Variants in EPS15L1 observed in about 807,000 individuals in gnomAD.
The protein encoded by EPS15L1 is epidermal growth factor receptor substrate 15-like 1.
In EPS15L1, 43 loss-of-function variants were observed where a neutral mutation model predicts 117.1. The observed-to-expected ratio is 0.37, with a 90% CI of 0.29 to 0.47. EPS15L1 has a LOEUF of 0.47. Ranked by LOEUF, EPS15L1 falls within the 20% of genes least tolerant of loss-of-function variation. The pLI, the probability that EPS15L1 is intolerant of heterozygous loss-of-function variation, is 0.99. For synonymous variants in EPS15L1, 459 were observed against 470.5 expected, an observed-to-expected ratio of 0.98 and a Z score of 0.32; for missense variants, 981 against 1,164.0, an observed-to-expected ratio of 0.84 and a Z score of 2.29.
At chr19:16,401,837 C>A in intron 16 of EPS15L1, 1 of 986,896 alleles carries the variant, frequency 1.0e-6, no homozygotes, top group Non-Finnish European at 1.2e-6. Flanking sequence ...CACCCTGGGG[C>A]GCTGCTTGCC....
rs2092640594 is a variant in EPS15L1, at chr19:16,404,865, A to G, written c.1267-116T>C. On this transcript the variant is annotated intron_variant, in intron 13 of 23. Transcript: ENST00000455140. This position sits in a 1 kb window ranked among gnomAD's most constrained non-coding sequence, Gnocchi z 4.2. ...GAAGCCTCCGAAACCACCCACTGTG[A>G]CCGTGCTCAGGGCCAGCATTCCGTG... The G allele has an allele frequency of 2.6e-6, 3 of 1,164,242 alleles. No homozygotes were observed. Among genetic ancestry groups the G allele is most frequent in the Non-Finnish European group, 3.7e-6 (3 of 811,382 alleles). The allele number at this position is 1,164,242 out of a possible 1,614,324, so 72.1% of individuals were successfully genotyped here.
intron 12 of EPS15L1, among the ~76,000 whole-genome samples, chr19:16,414,685 C>T (rs1335228145): frequency 6.6e-6 from 1 of 150,438 alleles, no homozygotes. Flanking sequence ...AGGCGTGAGC[C>T]AACACGCCTG....
intron 6 of EPS15L1, chr19:16,434,774 G>T: frequency 3.3e-6 from 1 of 304,890 alleles, no homozygotes; most frequent in Non-Finnish European, 6.2e-6. Context: ...GCCTGAGTGT[G>T]GCAGGAGTCT....
intron 1 of EPS15L1, among the ~76,000 whole-genome samples, chr19:16,461,319 AAAAG>A (rs887912045): frequency 0.022 from 3,117 of 143,136 alleles, 49 homozygotes; most frequent in Middle Eastern, 0.073. Context: ...AAAAAAAAAA[AAAAG>A]AAAGAAAGAA....
chr19:16,449,760 T>C (rs1001102105), intron 1 of EPS15L1, among the ~76,000 whole-genome samples: 1 of 152,058 alleles, frequency 6.6e-6, no homozygotes, highest in African/African-American at 2.4e-5. Context: ...TGTCCTCCAA[T>C]AAGTGAGTGG....
At chr19:16,440,654 A>C (rs1257124920) in intron 4 of EPS15L1, 1 of 393,462 alleles carries the variant, frequency 2.5e-6, no homozygotes, top group Non-Finnish European at 4.6e-6. Flanking sequence ...ATAAATAAAT[A>C]AATAAAAGAT....
At chr19:16,395,175 A>G (rs1375612173) in intron 17 of EPS15L1, among the ~76,000 whole-genome samples, 169 bp downstream of exon 17, 3 of 150,220 alleles carry the variant, frequency 2.0e-5, no homozygotes, top group East Asian at 3.9e-4. Context: ...AGCCTGGCTG[A>G]CAGCAAGAGA....
At chr19:16,440,619 T>C (rs1373019621) in intron 4 of EPS15L1, 1 of 277,598 alleles carries the variant, frequency 3.6e-6, no homozygotes, top group East Asian at 6.2e-5. Context: ...ACATGTAAGG[T>C]TACAAAACAT....
At chr19:16,444,267 A>C (rs1237540602) in intron 1 of EPS15L1, among the ~76,000 whole-genome samples, 2 of 151,956 alleles carry the variant, frequency 1.3e-5, no homozygotes, top group East Asian at 3.9e-4. Flanking sequence ...GAGATTTAGG[A>C]GCCATCATTT....
chr19:16,466,730 C>T (rs1291068514), intron 1 of EPS15L1, among the ~76,000 whole-genome samples: 2 of 151,974 alleles, frequency 1.3e-5, no homozygotes, highest in Non-Finnish European at 2.9e-5. Flanking sequence ...TAGTGAAACT[C>T]CATCTCTACT....
chr19:16,406,370 A>G (rs1468945175), intron 13 of EPS15L1, among the ~76,000 whole-genome samples: 1 of 152,204 alleles, frequency 6.6e-6, no homozygotes, highest in Non-Finnish European at 1.5e-5. Flanking sequence ...TGTGCCAGGA[A>G]GGGAAGATGC....
chr19:16,428,942 A>T (rs2092904148), intron 7 of EPS15L1, among the ~76,000 whole-genome samples, 181 bp from the exon 8 acceptor site: 1 of 152,172 alleles, frequency 6.6e-6, no homozygotes, highest in Non-Finnish European at 1.5e-5. Flanking sequence ...AAGTACTGTC[A>T]ACTACCAGAT....
chr19:16,410,204 C>T (rs989860410), intron 13 of EPS15L1, among the ~76,000 whole-genome samples: 7 of 151,576 alleles, frequency 4.6e-5, no homozygotes, highest in African/African-American at 1.5e-4. Flanking sequence ...GGCAAGGAAT[C>T]GGAATGATTT....
At chr19:16,444,815 C>T (rs1355966321) in intron 1 of EPS15L1, among the ~76,000 whole-genome samples, 1 of 151,450 alleles carries the variant, frequency 6.6e-6, no homozygotes, top group African/African-American at 2.4e-5. Flanking sequence ...CAATCTCTGA[C>T]TCCTGGATTC....
intron 1 of EPS15L1, among the ~76,000 whole-genome samples, chr19:16,448,131 T>C (rs972841486): frequency 6.6e-6 from 1 of 152,172 alleles, no homozygotes; most frequent in Non-Finnish European, 1.5e-5. Context: ...ATGTAAAACA[T>C]AATCCTCAGG....
chr19:16,359,733 G>C, intron 23 of EPS15L1, among the ~76,000 whole-genome samples: 1 of 152,142 alleles, frequency 6.6e-6, no homozygotes, highest in Non-Finnish European at 1.5e-5. Flanking sequence ...GTGGTGGTGC[G>C]CGCCTGAGGT....
chr19:16,433,634 G>A (rs2092950627), intron 7 of EPS15L1, among the ~76,000 whole-genome samples: 1 of 151,760 alleles, frequency 6.6e-6, no homozygotes, highest in South Asian at 2.1e-4. Flanking sequence ...GACCAGCCTG[G>A]GCAACACAGT....
At chr19:16,396,800 C>T (rs2092544915) in intron 16 of EPS15L1, among the ~76,000 whole-genome samples, 1 of 152,208 alleles carries the variant, frequency 6.6e-6, no homozygotes, top group African/African-American at 2.4e-5. Flanking sequence ...CTGACACATG[C>T]TCCAACATGG....
Position 16,417,947 on chromosome 19 carries a change from C to G in EPS15L1, c.1107+1G>C. 1 of 1,612,034 alleles carries G rather than the reference C, an allele frequency of 6.2e-7. No homozygotes were observed. The highest frequency in any genetic ancestry group is 8.5e-7 in the Non-Finnish European group (1 of 1,179,102). ...CCCAGGGCATGACCAGCACCACTCA[C>G]CGGGCCGGGCGTGCCTCTCTCCGAA... On this transcript the variant is annotated splice_donor_variant, in intron 11 of 23. Transcript: ENST00000455140. LOFTEE classifies it high-confidence loss of function.
Sources: allele counts gnomAD v4.1 joint callset (sites outside exome capture counted in the v4.1 genomes callset), GRCh38; gene constraint gnomAD v4.1.1; non-coding constraint Gnocchi (gnomAD v3.1); transcripts MANE v1.5; gene names NCBI Gene and HGNC (gene_info 2026-07-23, HGNC 2026-07-21).